PEDS1: variants seen among roughly 807,000 people sequenced by gnomAD.
The protein encoded by PEDS1 is plasmanylethanolamine desaturase 1, also known as CarF homolog.
In PEDS1, 14 loss-of-function variants were observed where a neutral mutation model predicts 35.2. That is an observed-to-expected ratio of 0.40 (90% CI 0.26 to 0.62). The LOEUF (loss-of-function observed/expected upper bound fraction) is 0.62, where lower values mean the gene tolerates loss of function less well. Ranked by LOEUF, PEDS1 falls within the 20% of genes least tolerant of loss-of-function variation. PEDS1 has a pLI of 0.44. For synonymous variants in PEDS1, 152 were observed against 152.0 expected (o/e 1.00, Z 0.00); for missense variants, 260 against 367.8 (o/e 0.71, Z 2.40).
Position 50,124,972 on chromosome 20 carries a change from G to C in PEDS1, c.*86C>G. The stretch of plus-strand genomic sequence containing the variant: ...GGAGATGTCCTCTCCATCTGGAGGG[G>C]CCAGCTCAAAGAGGCTGGAATTTGG... On this transcript the variant is annotated 3_prime_UTR_variant, in exon 6 of 6. Coordinates refer to ENST00000371652, the MANE Select transcript of PEDS1 (RefSeq NM_199129.4). 6.4e-7 allele frequency: 1 copy of C among 1,565,760 alleles called. No homozygotes were observed. Among genetic ancestry groups the C allele is most frequent in the Non-Finnish European group, 8.7e-7 (1 of 1,146,960 alleles).
Position 50,129,716 on chromosome 20 carries a change from A to C in PEDS1, c.334-26T>G. The C allele has an allele frequency of 6.2e-7, 1 of 1,612,872 alleles. No homozygotes were observed. The highest frequency in any genetic ancestry group is 8.5e-7 in the Non-Finnish European group (1 of 1,179,832). On this transcript the variant is annotated intron_variant, in intron 3 of 5. Coordinates refer to ENST00000371652, the MANE Select transcript of PEDS1 (RefSeq NM_199129.4). This position sits in a 1 kb window ranked among gnomAD's most constrained non-coding sequence, Gnocchi z 4.2. ...CTGGAGTTGAGGGGGACACAGCCCC[A>C]GCAGTCAGCCTAAGGTGGTCAGCTG...
chr20:50,145,447 C>G (rs2081335684), intron 1 of PEDS1, among the ~76,000 whole-genome samples: 1 of 152,126 alleles, frequency 6.6e-6, no homozygotes, highest in African/African-American at 2.4e-5. Flanking sequence ...GTAATCCCAG[C>G]ACCTTGGGAG....
In PEDS1 at chr20:50,119,013, A is replaced by C. The variant is rs946420990; in HGVS notation, c.*6045T>G. The C allele has an allele frequency of 1.3e-5, 2 of 152,220 alleles. No individual in the cohort carries two copies. The highest frequency in any genetic ancestry group is 4.8e-5 in the African/African-American group (2 of 41,448). 9.4% of individuals were successfully genotyped at this position (152,220 alleles called of 1,614,324 possible). A position where few individuals can be genotyped will look rare whatever the true frequency, so the allele number is the denominator to read the frequency against. On this transcript the variant is annotated 3_prime_UTR_variant, in exon 6 of 6. Transcript: ENST00000371652. ...AGAGGAATGCAAATTAAAACCACCT[A>C]TCAGATTGGCAAAGAACAAAACATT... is the stretch of plus-strand genomic sequence containing the variant.
At chr20:50,151,604 A>C (rs921977818) in intron 1 of PEDS1, among the ~76,000 whole-genome samples, 5 of 152,204 alleles carry the variant, frequency 3.3e-5, no homozygotes, top group Non-Finnish European at 7.3e-5. Flanking sequence ...TCACGCCTGT[A>C]ATCCCAGCAC....
chr20:50,148,369 G>A (rs2081367718), intron 1 of PEDS1, among the ~76,000 whole-genome samples: 1 of 152,186 alleles, frequency 6.6e-6, no homozygotes, highest in Non-Finnish European at 1.5e-5. Context: ...GACTGAGGTG[G>A]GGACAGGGAG....
At position 50,131,978 on chromosome 20, in the gene PEDS1, C is replaced by T. The variant is rs1019124651; in HGVS notation, c.242-1031G>A. Reference sequence around the variant, plus strand: ...CAGCACTTTGGGAGGCCGAGGTGGGCGGATCACCTGAGGTCAGGAGTTCGA... The same window carrying T: ...CAGCACTTTGGGAGGCCGAGGTGGGTGGATCACCTGAGGTCAGGAGTTCGA... On this transcript the variant is annotated intron_variant, in intron 2 of 5. Coordinates refer to ENST00000371652, the MANE Select transcript of PEDS1 (RefSeq NM_199129.4). 8.6e-5 allele frequency among the ~76,000 whole-genome samples: 13 copies of T among 152,020 alleles called. 1 individual carries two copies. The highest frequency in any genetic ancestry group is 1.6e-4 in the Non-Finnish European group (11 of 68,006).
At position 50,130,113 on chromosome 20, in the gene PEDS1, C is replaced by G. The variant is rs554452264; in HGVS notation, c.334-423G>C. 1.4e-4 allele frequency among the ~76,000 whole-genome samples: 21 copies of G among 152,286 alleles called. No individual in the cohort carries two copies. The South Asian group carries it at 4.3e-3, about 32-fold the overall frequency. On this transcript the variant is annotated intron_variant, in intron 3 of 5. Coordinates refer to ENST00000371652, the MANE Select transcript of PEDS1 (RefSeq NM_199129.4). ...TCTTCTGACAAGGCTGACCTCGCCC[C>G]GGGCTGAGAAAGAACACGTGACCAG...
rs1395566818 is a variant in PEDS1, at chr20:50,121,710, G to A, written c.*3348C>T. 1.3e-5 allele frequency: 2 copies of A among 152,178 alleles called. No individual in the cohort carries two copies. Among genetic ancestry groups the A allele is most frequent in the Non-Finnish European group, 2.9e-5 (2 of 68,042 alleles). The allele number at this position is 152,178 out of a possible 1,614,324, so 9.4% of individuals were successfully genotyped here. A position where few individuals can be genotyped will look rare whatever the true frequency, so the allele number is the denominator to read the frequency against. On this transcript the variant is annotated 3_prime_UTR_variant, in exon 6 of 6. Transcript: ENST00000371652. ...CCAGAATTCAGAAGTGAAATGGTCT[G>A]AGTCTGAGGGCTGCTCTACCCTTAC...
At position 50,143,624 on chromosome 20, in the gene PEDS1, G is replaced by A. The variant is rs761975598; in HGVS notation, c.122-3C>T. Reference sequence around the variant, plus strand: ...GCACCACTCCTGGAGGCGCTTGCCTGCAGGGAGCAGAGGCGAGAGGTAAAG... The same window carrying A: ...GCACCACTCCTGGAGGCGCTTGCCTACAGGGAGCAGAGGCGAGAGGTAAAG... On this transcript the variant is annotated splice_region_variant and splice_polypyrimidine_tract_variant and intron_variant, in intron 1 of 5. Transcript: ENST00000371652. 5 of 1,614,092 alleles carry A rather than the reference G, an allele frequency of 3.1e-6. No individual in the cohort carries two copies. Among genetic ancestry groups the A allele is most frequent in the Admixed American group, 1.7e-5 (1 of 60,016 alleles).
Position 50,153,497 on chromosome 20 carries a change from G to T in PEDS1, c.121+20C>A. ...CGGGGCTGGTGACCGCAGGCCTGGA[G>T]GGGGGCCCAGAGGTCTTACCTGGCG... On this transcript the variant is annotated intron_variant, in intron 1 of 5. Transcript: ENST00000371652. 7.4e-7 allele frequency: 1 copy of T among 1,347,096 alleles called. No individual in the cohort carries two copies. The highest frequency in any genetic ancestry group is 9.6e-7 in the Non-Finnish European group (1 of 1,040,268). 83.4% of individuals were successfully genotyped at this position (1,347,096 alleles called of 1,614,324 possible).
In PEDS1 at chr20:50,148,025, G is replaced by A. The variant is rs560516554; in HGVS notation, c.122-4404C>T. On this transcript the variant is annotated intron_variant, in intron 1 of 5. Transcript: ENST00000371652. The stretch of plus-strand genomic sequence containing the variant: ...GAATCACGTGAACCCAGGAGGCAGA[G>A]GTTGCAGTGAGCCGAGATCGTGCCA... Among the ~76,000 whole-genome samples, 7 of 152,322 alleles carry A rather than the reference G, an allele frequency of 4.6e-5. No homozygotes were observed. In the East Asian group the frequency reaches 1.3e-3, roughly 29 times the overall value.
intron 2 of PEDS1, among the ~76,000 whole-genome samples, chr20:50,141,104 T>C (rs1028473136): frequency 1.3e-5 from 2 of 152,208 alleles, no homozygotes; most frequent in African/African-American, 2.4e-5. Flanking sequence ...ATCCAGCCCA[T>C]CCTTTACCCC....
chr20:50,145,501 C>T (rs1381589932), intron 1 of PEDS1, among the ~76,000 whole-genome samples: 1 of 152,180 alleles, frequency 6.6e-6, no homozygotes, highest in Non-Finnish European at 1.5e-5. Flanking sequence ...TTGAGACCAG[C>T]CAGGCCAACG....
At chr20:50,149,228 C>T (rs1272995202) in intron 1 of PEDS1, among the ~76,000 whole-genome samples, 1 of 152,126 alleles carries the variant, frequency 6.6e-6, no homozygotes, top group Non-Finnish European at 1.5e-5. Flanking sequence ...TTTGGGAGTA[C>T]AGGCCAGGAC....
intron 1 of PEDS1, among the ~76,000 whole-genome samples, chr20:50,149,432 T>C (rs2081379298): frequency 6.6e-6 from 1 of 152,110 alleles, no homozygotes; most frequent in Admixed American, 6.5e-5. Context: ...AGCTGGGACC[T>C]CCTGGGAAGC....
At chr20:50,127,552 G>T (rs1010313896) in intron 5 of PEDS1, among the ~76,000 whole-genome samples, 2 of 152,040 alleles carry the variant, frequency 1.3e-5, no homozygotes, top group Non-Finnish European at 2.9e-5. Flanking sequence ...CACCATGTTG[G>T]CCAGGCTGGT....
intron 2 of PEDS1, among the ~76,000 whole-genome samples, chr20:50,143,143 C>A (rs2081311780): frequency 6.6e-6 from 1 of 152,114 alleles, no homozygotes; most frequent in African/African-American, 2.4e-5. Context: ...AGGAAGAAGG[C>A]TCCTGAAACA....
At chr20:50,130,630 G>C (rs895691296) in intron 3 of PEDS1, among the ~76,000 whole-genome samples, 2 of 152,230 alleles carry the variant, frequency 1.3e-5, no homozygotes, top group African/African-American at 4.8e-5. Flanking sequence ...GTTCTGATGA[G>C]GCAGGCACAT....
At chr20:50,145,237 T>C (rs1186444849) in intron 1 of PEDS1, among the ~76,000 whole-genome samples, 1 of 150,960 alleles carries the variant, frequency 6.6e-6, no homozygotes, top group Non-Finnish European at 1.5e-5. Context: ...AAAAATAAAA[T>C]AAATAAAAGG....
Sources: allele counts gnomAD v4.1 joint callset (sites outside exome capture counted in the v4.1 genomes callset), GRCh38; gene constraint gnomAD v4.1.1; non-coding constraint Gnocchi (gnomAD v3.1); transcripts MANE v1.5; gene names NCBI Gene and HGNC (gene_info 2026-07-23, HGNC 2026-07-21).